CLIP4: variants seen among roughly 807,000 people sequenced by gnomAD.
The protein encoded by CLIP4 is CAP-Gly domain containing linker protein family member 4.
Under a neutral mutation model 73.1 loss-of-function variants are expected in CLIP4, and 47 were observed. The observed-to-expected ratio is 0.64, with a 90% confidence interval of 0.51 to 0.82. CLIP4 has a LOEUF of 0.82. Among genes scored for constraint, CLIP4 ranks in the 40% least tolerant of loss-of-function variants. CLIP4 has a pLI of 0.00. For synonymous variants in CLIP4, 306 were observed against 295.4 expected, an observed-to-expected ratio of 1.04 and a Z score of -0.37; for missense variants, 874 against 852.9, an observed-to-expected ratio of 1.02 and a Z score of -0.31.
chr2:29,174,903 A>T (rs1482642345), intron 15 of CLIP4, among the ~76,000 whole-genome samples: 1 of 151,982 alleles, frequency 6.6e-6, no homozygotes, highest in Non-Finnish European at 1.5e-5. Context: ...GTTTTGTTGC[A>T]GAGAGAATGC....
At chr2:29,179,273 A>G (rs1668519098) in intron 15 of CLIP4, among the ~76,000 whole-genome samples, 1 of 143,482 alleles carries the variant, frequency 7.0e-6, no homozygotes, top group Non-Finnish European at 1.5e-5. Context: ...AATTATGTCT[A>G]TTTTTCATTT....
intron 2 of CLIP4, chr2:29,130,465 G>C (rs1488491675): frequency 7.8e-6 from 2 of 258,042 alleles, no homozygotes; most frequent in Non-Finnish European, 1.5e-5. Flanking sequence ...GCTGCAATGT[G>C]CTGAGTCATG....
intron 3 of CLIP4, 92 bp downstream of exon 3, chr2:29,131,489 G>GGTTTCTCCTTTATT: frequency 7.4e-7 from 1 of 1,343,136 alleles, no homozygotes; most frequent in Non-Finnish European, 1.0e-6. Context: ...GGTAATAAAG[G>GGTTTCTCCTTTATT]AGAAACCCTT....
chr2:29,160,838 TAA>T (rs902740174), intron 12 of CLIP4, among the ~76,000 whole-genome samples: 3 of 152,210 alleles, frequency 2.0e-5, no homozygotes, highest in African/African-American at 7.2e-5. Context: ...TATACCTTTT[TAA>T]AAGAGTGGCT....
chr2:29,107,367 T>TG lies in CLIP4; in HGVS notation c.-16+9420_-16+9421insG, dbSNP rs1558504949. Among the ~76,000 whole-genome samples, 943 of 111,184 alleles carry TG rather than the reference T, an allele frequency of 8.5e-3. 33 individuals are homozygous for TG. The highest frequency in any genetic ancestry group is 0.028 in the African/African-American group (754 of 27,314). 72.9% of individuals were successfully genotyped at this position (111,184 alleles called of 152,430 possible). On this transcript the variant is annotated intron_variant, in intron 1 of 14. Coordinates refer to the CLIP4 transcript ENST00000401605. Reference sequence around the variant, plus strand: ...TTCCTGGAACATGATAGTTTTTTTTTTTTTTTTTTTTTTTTTTTTTTTGAG... The same window carrying TG: ...TTCCTGGAACATGATAGTTTTTTTTTGTTTTTTTTTTTTTTTTTTTTTTGAG...
chr2:29,169,329 C>CTGTGTGTGTGTG (rs70958249), intron 14 of CLIP4, among the ~76,000 whole-genome samples: 1 of 140,322 alleles, frequency 7.1e-6, no homozygotes, highest in Non-Finnish European at 1.6e-5. Context: ...GTCTTTTTCA[C>CTGTGTGTGTGTG]TGTGTGTGTG....
chr2:29,176,812 G>C (rs1668371821), intron 15 of CLIP4, among the ~76,000 whole-genome samples: 1 of 152,172 alleles, frequency 6.6e-6, no homozygotes, highest in Admixed American at 6.5e-5. Context: ...ACTGGGTCCT[G>C]TCTGTAGAAT....
At chr2:29,153,401 C>A (rs983880706) in intron 9 of CLIP4, among the ~76,000 whole-genome samples, 1 of 152,126 alleles carries the variant, frequency 6.6e-6, no homozygotes, top group Non-Finnish European at 1.5e-5. Flanking sequence ...AGTAATTTGA[C>A]TTCTGCCTTT....
intron 9 of CLIP4, among the ~76,000 whole-genome samples, chr2:29,153,922 C>G (rs922051304): frequency 2.6e-5 from 4 of 152,302 alleles, no homozygotes; most frequent in African/African-American, 9.6e-5. Flanking sequence ...CTTCCGTATA[C>G]ATTTTACAAT....
At chr2:29,129,107 C>T (rs1476521419) in intron 2 of CLIP4, among the ~76,000 whole-genome samples, 1 of 152,124 alleles carries the variant, frequency 6.6e-6, no homozygotes, top group Non-Finnish European at 1.5e-5. Context: ...AATAGCTAAG[C>T]ATCATCTTGT....
intron 15 of CLIP4, 127 bp from the exon 16 acceptor site, chr2:29,181,445 C>A: frequency 2.6e-6 from 2 of 772,920 alleles, no homozygotes; most frequent in East Asian, 2.7e-5. Flanking sequence ...CAAGTTGTGA[C>A]CATAAAGTAT....
intron 8 of CLIP4, among the ~76,000 whole-genome samples, chr2:29,148,773 A>G (rs1666346912): frequency 6.6e-6 from 1 of 152,190 alleles, no homozygotes; most frequent in Non-Finnish European, 1.5e-5. Flanking sequence ...ACAAAGTATT[A>G]CCTTAAATAT....
chr2:29,133,342 GTGT>G lies in CLIP4; in HGVS notation c.368-304_368-302del, dbSNP rs533210377. Among the ~76,000 whole-genome samples the G allele has an allele frequency of 1.8e-4, 27 of 152,316 alleles. No individual in the cohort carries two copies. In the East Asian group the frequency reaches 2.7e-3, roughly 15 times the overall value. On this transcript the variant is annotated intron_variant, in intron 4 of 15. Coordinates refer to ENST00000320081, the MANE Select transcript of CLIP4 (RefSeq NM_024692.6). Reference sequence around the variant, plus strand: ...ACGTTTGGGGGAGCACTGATCTGCTGTGTTGTTGTTGATGGCTTCATAGCATTC... The same window carrying G: ...ACGTTTGGGGGAGCACTGATCTGCTGTGTTGTTGATGGCTTCATAGCATTC...
At chr2:29,134,052 T>C (rs1175881677) in intron 5 of CLIP4, among the ~76,000 whole-genome samples, 3 of 152,150 alleles carry the variant, frequency 2.0e-5, no homozygotes, top group Non-Finnish European at 4.4e-5. Flanking sequence ...TGGGTTTTCA[T>C]ATCTCTATAA....
intron 8 of CLIP4, among the ~76,000 whole-genome samples, chr2:29,145,819 T>C (rs1307638921): frequency 6.6e-6 from 1 of 152,178 alleles, no homozygotes; most frequent in Non-Finnish European, 1.5e-5. Context: ...GTAGCTGGGA[T>C]TACAGGCATT....
intron 1 of CLIP4, among the ~76,000 whole-genome samples, chr2:29,109,556 T>C (rs1055395002): frequency 1.3e-5 from 2 of 152,136 alleles, no homozygotes; most frequent in African/African-American, 4.8e-5. Context: ...ATATAATATA[T>C]TATTGTTAAC....
At chr2:29,132,609 G>T in intron 4 of CLIP4, 1 of 200,350 alleles carries the variant, frequency 5.0e-6, no homozygotes, top group Non-Finnish European at 1.0e-5. Flanking sequence ...GAGACCTAAG[G>T]TCTGTTCCTA....
chr2:29,160,530 C>T, intron 12 of CLIP4, 63 bp downstream of exon 12: 1 of 1,556,850 alleles, frequency 6.4e-7, no homozygotes, highest in Non-Finnish European at 8.8e-7. Context: ...TAAAATTTTA[C>T]ATGTAAATAG....
intron 1 of CLIP4, among the ~76,000 whole-genome samples, chr2:29,103,240 T>C (rs1311156113): frequency 1.3e-5 from 2 of 152,090 alleles, no homozygotes; most frequent in African/African-American, 4.8e-5. Context: ...ATATGGGACA[T>C]ATACTAAAAA....
Sources: allele counts gnomAD v4.1 joint callset (sites outside exome capture counted in the v4.1 genomes callset), GRCh38; gene constraint gnomAD v4.1.1; transcripts MANE v1.5; gene names NCBI Gene and HGNC (gene_info 2026-07-23, HGNC 2026-07-21).